Variants in KDM1B observed in about 807,000 individuals in gnomAD.
The protein encoded by KDM1B is lysine-specific histone demethylase 2.
In KDM1B, 63 loss-of-function variants were observed where a neutral mutation model predicts 107.4. That is an observed-to-expected ratio of 0.59 (90% confidence interval 0.48 to 0.72). The LOEUF (loss-of-function observed/expected upper bound fraction) is 0.72, where lower values mean the gene tolerates loss of function less well. KDM1B is among the 30% of genes least tolerant of loss of function. KDM1B has a pLI of 0.00. For synonymous variants in KDM1B, 363 were observed against 363.9 expected, an observed-to-expected ratio of 1.00 and a Z score of 0.03; for missense variants, 749 against 1,020.8, an observed-to-expected ratio of 0.73 and a Z score of 3.63.
chr6:18,190,588 T>A (rs1178360224), intron 9 of KDM1B, among the ~76,000 whole-genome samples: 1 of 142,696 alleles, frequency 7.0e-6, no homozygotes, highest in Non-Finnish European at 1.5e-5. Context: ...GGCGACAGAG[T>A]GAGACTCCAT....
Position 18,201,726 on chromosome 6 carries a change from G to A in KDM1B, c.1531+69G>A, listed in dbSNP as rs780442786. 2.0e-5 allele frequency: 27 copies of A among 1,353,742 alleles called. No individual in the cohort carries two copies. The highest frequency in any genetic ancestry group is 1.8e-4 in the Middle Eastern group (1 of 5,452). 83.9% of individuals were successfully genotyped at this position (1,353,742 alleles called of 1,614,324 possible). A position where few individuals can be genotyped will look rare whatever the true frequency, so the allele number is the denominator to read the frequency against. The stretch of plus-strand genomic sequence containing the variant: ...TGTTACCTAAGCTTCATCAGCAGTG[G>A]CATTGTTCATTTGCGAGGTCGGATG... On this transcript the variant is annotated intron_variant, in intron 14 of 21. Transcript: ENST00000650836. This position sits in a 1 kb window ranked among gnomAD's most constrained non-coding sequence, Gnocchi z 4.3.
chr6:18,220,195 AATATGGT>A (rs1321703174), intron 21 of KDM1B, among the ~76,000 whole-genome samples: 1 of 152,244 alleles, frequency 6.6e-6, no homozygotes, highest in Non-Finnish European at 1.5e-5. Context: ...TACTTCGTTT[AATATGGT>A]TTAGAAGTAC....
At chr6:18,163,648 T>A (rs1785108304) in intron 5 of KDM1B, among the ~76,000 whole-genome samples, 1 of 152,244 alleles carries the variant, frequency 6.6e-6, no homozygotes, top group Non-Finnish European at 1.5e-5. Flanking sequence ...AAAATATTTT[T>A]AAATTTCCAT....
intron 2 of KDM1B, among the ~76,000 whole-genome samples, chr6:18,158,103 G>C (rs985388309): frequency 1.3e-5 from 2 of 152,032 alleles, no homozygotes; most frequent in Admixed American, 1.3e-4. Context: ...GTGAGCCACC[G>C]CGCTGGCCGG....
intron 7 of KDM1B, among the ~76,000 whole-genome samples, chr6:18,179,552 T>G (rs1269996773): frequency 1.3e-5 from 2 of 152,214 alleles, no homozygotes; most frequent in African/African-American, 4.8e-5. Flanking sequence ...TCAGTTTCTT[T>G]AACAGATATA....
chr6:18,167,230 G>A (rs1173147952), intron 6 of KDM1B, among the ~76,000 whole-genome samples: 3 of 151,502 alleles, frequency 2.0e-5, no homozygotes, highest in South Asian at 2.1e-4. Flanking sequence ...GGTGGCGCGC[G>A]CCTGTTGTCC....
chr6:18,168,934 C>T (rs529601072), intron 6 of KDM1B, among the ~76,000 whole-genome samples: 104 of 152,108 alleles, frequency 6.8e-4, no homozygotes, highest in African/African-American at 2.2e-3. Context: ...TGCAGTGGTG[C>T]GATCTTGGCT....
intron 21 of KDM1B, among the ~76,000 whole-genome samples, 175 bp from the exon 22 acceptor site, chr6:18,221,734 A>G (rs1789763972): frequency 6.6e-6 from 1 of 152,200 alleles, no homozygotes; most frequent in African/African-American, 2.4e-5. Flanking sequence ...GAATTTGACA[A>G]TGCATGGCCA....
In KDM1B at chr6:18,205,188, T is replaced by C. The variant is rs1264335696; in HGVS notation, c.1532-349T>C. On this transcript the variant is annotated intron_variant, in intron 14 of 21. Coordinates refer to ENST00000650836, the MANE Select transcript of KDM1B (RefSeq NM_001364614.2). The surrounding 1 kb of genome is among the most constrained non-coding windows in gnomAD (Gnocchi z 5.7). ...TTCTGTGTGTGTGCATGTACATCTA[T>C]GTGTGGGGACAGTTTTTCTGTATCT... is the stretch of plus-strand genomic sequence containing the variant. 6.6e-6 allele frequency among the ~76,000 whole-genome samples: 1 copy of C among 152,186 alleles called. No individual in the cohort carries two copies.
At chr6:18,216,199 C>T (rs1282108457) in intron 20 of KDM1B, among the ~76,000 whole-genome samples, 1 of 152,208 alleles carries the variant, frequency 6.6e-6, no homozygotes, top group East Asian at 1.9e-4. Context: ...CCTGCCTCAG[C>T]CTCCCGAGTA....
intron 9 of KDM1B, among the ~76,000 whole-genome samples, chr6:18,190,494 C>T (rs551416572): frequency 4.4e-4 from 65 of 149,370 alleles, no homozygotes; most frequent in African/African-American, 1.2e-3. Context: ...CCCAGCTACT[C>T]GGGAGGCTGA....
chr6:18,199,978 A>G (rs1260881116), intron 12 of KDM1B, among the ~76,000 whole-genome samples: 1 of 152,184 alleles, frequency 6.6e-6, no homozygotes, highest in African/African-American at 2.4e-5. Context: ...TCCAGGGTTC[A>G]GGTGATTCTC....
rs1418872559 is a variant in KDM1B, at chr6:18,223,557, C to G, written c.*1565C>G. On this transcript the variant is annotated 3_prime_UTR_variant, in exon 22 of 22. Coordinates refer to ENST00000650836, the MANE Select transcript of KDM1B (RefSeq NM_001364614.2). ...AAAATGTTAAGTTTGAAATGGTTAA[C>G]AGTAAATTATTATGTTAGTTTCCAG... 1 of 152,030 alleles carries G rather than the reference C, an allele frequency of 6.6e-6. No homozygotes were observed. The highest frequency in any genetic ancestry group is 1.5e-5 in the Non-Finnish European group (1 of 67,998). The allele number at this position is 152,030 out of a possible 1,614,324, so 9.4% of individuals were successfully genotyped here.
chr6:18,180,045 T>G (rs1163502339), intron 7 of KDM1B, among the ~76,000 whole-genome samples: 3 of 150,736 alleles, frequency 2.0e-5, no homozygotes, highest in Admixed American at 6.6e-5. Flanking sequence ...TGTATTTTTT[T>G]TTTTTTTTAA....
chr6:18,196,961 C>A (rs1420179892), intron 10 of KDM1B, 96 bp from the exon 11 acceptor site: 6 of 1,158,978 alleles, frequency 5.2e-6, no homozygotes, highest in Non-Finnish European at 7.5e-6. Context: ...TGATTCAGAT[C>A]TTTTACTTGT....
chr6:18,212,467 A>G lies in KDM1B; in HGVS notation c.1867-21A>G. ...AGGTTCTGTTGCTGTTTGTTTGTTA[A>G]CTGTTAATTATTTTCCACAGGTATT... On this transcript the variant is annotated intron_variant, in intron 17 of 21. Transcript: ENST00000650836. The surrounding 1 kb of genome is among the most constrained non-coding windows in gnomAD (Gnocchi z 5.2). The G allele has an allele frequency of 2.9e-6, 4 of 1,403,020 alleles. No homozygotes were observed. Among genetic ancestry groups the G allele is most frequent in the Non-Finnish European group, 4.1e-6 (4 of 987,390 alleles). 86.9% of individuals were successfully genotyped at this position (1,403,020 alleles called of 1,614,324 possible).
At position 18,166,291 on chromosome 6, in the gene KDM1B, T is replaced by C. The variant is rs1022900949; in HGVS notation, c.330T>C (p.Tyr110=). Residue 110 remains tyrosine (Y), a synonymous_variant, in exon 6 of 22, where the codon TAT becomes TAC. Coordinates refer to ENST00000650836, the MANE Select transcript of KDM1B (RefSeq NM_001364614.2). ...GCCATAAGGATGGATATGACAAATA[T>C]ACTACATGGAAAAAAATATGGACTA... ...YRSHKDGYDK[Y]TTWKKIWTSN... 7.5e-6 allele frequency: 12 copies of C among 1,601,158 alleles called. No individual in the cohort carries two copies. Among genetic ancestry groups the C allele is most frequent in the Middle Eastern group, 1.7e-4 (1 of 6,030 alleles).
Position 18,208,599 on chromosome 6 carries a change from G to GTATGTATATATA in KDM1B, c.1866+397_1866+408dup, listed in dbSNP as rs1173209923. On this transcript the variant is annotated intron_variant, in intron 17 of 21. Transcript: ENST00000650836. The stretch of plus-strand genomic sequence containing the variant: ...TGTATAGGGTTAAATAGAAGTATGT[G>GTATGTATATATA]TATGTATATATATATATATATATAT... Among the ~76,000 whole-genome samples the GTATGTATATATA allele has an allele frequency of 8.9e-3, 362 of 40,634 alleles. 11 individuals are homozygous for GTATGTATATATA. Among genetic ancestry groups the GTATGTATATATA allele is most frequent in the African/African-American group, 0.032 (285 of 9,000 alleles). 26.7% of individuals were successfully genotyped at this position (40,634 alleles called of 152,430 possible).
rs1232131947 is a variant in KDM1B, at chr6:18,223,252, AAGTAGGTCAGTTTATAACG to A, written c.*1265_*1283del. 1 of 152,506 alleles carries A rather than the reference AAGTAGGTCAGTTTATAACG, an allele frequency of 6.6e-6. No individual in the cohort carries two copies. The highest frequency in any genetic ancestry group is 1.5e-5 in the Non-Finnish European group (1 of 68,016). The allele number at this position is 152,506 out of a possible 1,614,324, so 9.4% of individuals were successfully genotyped here. Reference sequence around the variant, plus strand: ...AATATTGAGTATTTTAAAAATTTAAAAGTAGGTCAGTTTATAACGAGTAAATACCTAACACACCAAGAAT... The same window carrying A: ...AATATTGAGTATTTTAAAAATTTAAAAGTAAATACCTAACACACCAAGAAT... On this transcript the variant is annotated 3_prime_UTR_variant, in exon 22 of 22. Coordinates refer to ENST00000650836, the MANE Select transcript of KDM1B (RefSeq NM_001364614.2).
Sources: gnomAD v4.1 joint callset for allele counts (sites outside exome capture counted in the v4.1 genomes callset) on GRCh38, gnomAD v4.1.1 for gene constraint, Gnocchi (gnomAD v3.1) non-coding constraint, MANE v1.5 for transcripts, NCBI Gene and HGNC (gene_info 2026-07-23, HGNC 2026-07-21) for gene names.